MLLT10: variants seen among roughly 807,000 people sequenced by gnomAD.
MLLT10 encodes the protein protein AF-10.
In MLLT10, 30 loss-of-function variants were observed where a neutral mutation model predicts 129.1. The ratio of observed to expected loss-of-function variants is 0.23; its 90% confidence interval spans 0.17 to 0.32. The LOEUF is 0.32. MLLT10 is among the 10% of genes least tolerant of loss of function. MLLT10 has a pLI of 1.00. For synonymous variants in MLLT10, 490 were observed against 446.4 expected, an observed-to-expected ratio of 1.10 and a Z score of -1.23; for missense variants, 1,119 against 1,268.3, an observed-to-expected ratio of 0.88 and a Z score of 1.79.
In MLLT10 at chr10:21,742,908, C is replaced by G. The variant is rs1833855392; in HGVS notation, c.*925C>G. The G allele has an allele frequency of 4.4e-6, 1 of 228,660 alleles. No individual in the cohort carries two copies. 14.2% of individuals were successfully genotyped at this position (228,660 alleles called of 1,614,324 possible). On this transcript the variant is annotated 3_prime_UTR_variant, in exon 23 of 23. Coordinates refer to ENST00000307729, the MANE Select transcript of MLLT10 (RefSeq NM_001195626.3). ...CCTTTATTCAGAACTTTCTGTGCCA[C>G]TGTAGATAGCTCAGGCAAAACTATT...
intron 13 of MLLT10, among the ~76,000 whole-genome samples, chr10:21,687,799 A>C (rs1285347915): frequency 1.3e-5 from 2 of 151,684 alleles, no homozygotes; most frequent in Non-Finnish European, 3.0e-5. Context: ...TGCTGTCTTG[A>C]ATCAGAGAAA....
At chr10:21,678,745 G>GA (rs918953094) in intron 11 of MLLT10, among the ~76,000 whole-genome samples, 12 of 151,784 alleles carry the variant, frequency 7.9e-5, no homozygotes, top group African/African-American at 2.7e-4. Context: ...TAATGGAAAA[G>GA]AAAAAAAATG....
At chr10:21,613,783 T>C (rs919306653) in intron 6 of MLLT10, among the ~76,000 whole-genome samples, 1 of 151,936 alleles carries the variant, frequency 6.6e-6, no homozygotes, top group Admixed American at 6.6e-5. Context: ...AGCATGCCTG[T>C]AATCCCAGCT....
chr10:21,670,612 C>T lies in MLLT10; in HGVS notation c.959C>T (p.Ser320Phe). Residue 320 changes from serine to phenylalanine, a missense_variant, in exon 10 of 23, where the codon TCT (serine) becomes TTT (phenylalanine). Physicochemically the swap from Ser to Phe is radical, Grantham distance 155. This residue lies in a region of MLLT10 where 1,004 missense variants were observed against 1,008.7 expected (regional missense o/e 1.00). Coordinates refer to ENST00000307729, the MANE Select transcript of MLLT10 (RefSeq NM_001195626.3). ...TRGSEGKGKK[S>F]SAHSSGQRGR... The stretch of plus-strand genomic sequence containing the variant: ...GGGTCAGAGGGCAAAGGGAAGAAAT[C>T]TTCAGCTCACAGCTCAGGTCAAAGG... The T allele has an allele frequency of 6.2e-7, 1 of 1,614,168 alleles. No homozygotes were observed. The highest frequency in any genetic ancestry group is 8.5e-7 in the Non-Finnish European group (1 of 1,180,032).
Position 21,733,100 on chromosome 10 carries a change from ATATT to A in MLLT10, c.2407+19_2407+22del, listed in dbSNP as rs745667589. The A allele has an allele frequency of 2.1e-5, 33 of 1,578,950 alleles. No homozygotes were observed. The highest frequency in any genetic ancestry group is 2.7e-5 in the African/African-American group (2 of 73,186). On this transcript the variant is annotated intron_variant, in intron 18 of 22. Coordinates refer to ENST00000307729, the MANE Select transcript of MLLT10 (RefSeq NM_001195626.3). ...TCAGCACAGACTGGTAAGTGTGAAAATATTTATTTTGTATCTAAGGAAAATAGGC... is the reference window on the plus strand; with the variant it reads ...TCAGCACAGACTGGTAAGTGTGAAAATATTTTGTATCTAAGGAAAATAGGC...
chr10:21,547,242 A>G (rs2036231673), intron 3 of MLLT10, among the ~76,000 whole-genome samples: 1 of 151,880 alleles, frequency 6.6e-6, no homozygotes, highest in African/African-American at 2.4e-5. Context: ...TATTTTAGTG[A>G]TTGCACTTAA....
At chr10:21,728,580 T>C (rs2057699861) in intron 16 of MLLT10, among the ~76,000 whole-genome samples, 1 of 152,140 alleles carries the variant, frequency 6.6e-6, no homozygotes, top group South Asian at 2.1e-4. Context: ...CCTTATTAAT[T>C]TTATTTCCCT....
At chr10:21,695,407 A>G (rs2054268769) in intron 13 of MLLT10, among the ~76,000 whole-genome samples, 1 of 152,168 alleles carries the variant, frequency 6.6e-6, no homozygotes, top group Non-Finnish European at 1.5e-5. Context: ...GCATAGCAGT[A>G]CCTAGATTAG....
At chr10:21,616,574 T>A (rs1389499684) in intron 7 of MLLT10, among the ~76,000 whole-genome samples, 1 of 152,102 alleles carries the variant, frequency 6.6e-6, no homozygotes, top group Non-Finnish European at 1.5e-5. Context: ...ATACTGACAT[T>A]TCCTTTAATT....
Position 21,681,389 on chromosome 10 carries a change from A to G in MLLT10, c.1666+13A>G. ...TGCCCAACAACTAGTAAGTTGTCAA[A>G]CTGGGTTGATAACCCGGGCCTTTTG... On this transcript the variant is annotated intron_variant, in intron 12 of 22. Transcript: ENST00000307729. 1 of 1,586,984 alleles carries G rather than the reference A, an allele frequency of 6.3e-7. No homozygotes were observed. The highest frequency in any genetic ancestry group is 1.1e-5 in the South Asian group (1 of 90,076).
At chr10:21,696,202 G>T (rs747186770) in intron 13 of MLLT10, among the ~76,000 whole-genome samples, 2 of 151,478 alleles carry the variant, frequency 1.3e-5, no homozygotes, top group East Asian at 1.9e-4. Context: ...TTATTTTTTT[G>T]ATTATTATTA....
intron 8 of MLLT10, among the ~76,000 whole-genome samples, chr10:21,638,567 C>T (rs2047682066): frequency 6.6e-6 from 1 of 152,056 alleles, no homozygotes; most frequent in Non-Finnish European, 1.5e-5. Flanking sequence ...TCTGGCTGAG[C>T]ACGGTGGCTT....
intron 2 of MLLT10, among the ~76,000 whole-genome samples, chr10:21,536,113 T>C (rs1011970952): frequency 6.6e-6 from 1 of 152,304 alleles, no homozygotes; most frequent in African/African-American, 2.4e-5. Context: ...GGCTAATTTG[T>C]ATTTTTTAGT....
At chr10:21,626,002 A>G in intron 8 of MLLT10, 19 of 1,065,684 alleles carry the variant, frequency 1.8e-5, no homozygotes, top group South Asian at 1.4e-4. Flanking sequence ...GAGGCCCACC[A>G]TACTTCCTCT....
At chr10:21,699,182 GT>G (rs2054660329) in intron 13 of MLLT10, among the ~76,000 whole-genome samples, 1 of 151,098 alleles carries the variant, frequency 6.6e-6, no homozygotes, top group Admixed American at 6.6e-5. Flanking sequence ...GCATTTGTAT[GT>G]TATCTTTTGA....
Position 21,534,301 on chromosome 10 carries a change from C to CG in MLLT10, c.-217dup. 1 of 342,504 alleles carries CG rather than the reference C, an allele frequency of 2.9e-6. No homozygotes were observed. The highest frequency in any genetic ancestry group is 2.6e-5 in the African/African-American group (1 of 38,722). 21.2% of individuals were successfully genotyped at this position (342,504 alleles called of 1,614,324 possible). A position where few individuals can be genotyped will look rare whatever the true frequency, so the allele number is the denominator to read the frequency against. On this transcript the variant is annotated 5_prime_UTR_variant, in exon 1 of 23. Transcript: ENST00000307729. ...CCCTCCCTCGCTGCCCCTGGCCCAGCGGGAGCCCCCCCTCCCCCCAGTGCG... is the reference window on the plus strand; with the variant it reads ...CCCTCCCTCGCTGCCCCTGGCCCAGCGGGGAGCCCCCCCTCCCCCCAGTGCG...
intron 3 of MLLT10, among the ~76,000 whole-genome samples, chr10:21,574,507 A>G (rs1357322796): frequency 2.0e-5 from 3 of 152,230 alleles, no homozygotes; most frequent in East Asian, 3.8e-4. Context: ...AAGTGAAAGC[A>G]AGTAACTTAT....
At chr10:21,619,687 CTG>C (rs1319911767) in intron 8 of MLLT10, among the ~76,000 whole-genome samples, 1 of 152,126 alleles carries the variant, frequency 6.6e-6, no homozygotes, top group African/African-American at 2.4e-5. Context: ...AAGCTTGAAT[CTG>C]TTTTTACATT....
chr10:21,594,696 C>A (rs945507239), intron 4 of MLLT10, among the ~76,000 whole-genome samples: 2 of 150,652 alleles, frequency 1.3e-5, no homozygotes, highest in African/African-American at 4.9e-5. Context: ...AAACTCCTCA[C>A]TATCATATCA....
Sources: allele counts gnomAD v4.1 joint callset (sites outside exome capture counted in the v4.1 genomes callset), GRCh38; gene constraint gnomAD v4.1.1; regional missense constraint gnomAD v4.1.1; transcripts MANE v1.5; gene names NCBI Gene and HGNC (gene_info 2026-07-23, HGNC 2026-07-21).